Variants in FGF14 observed in about 807,000 individuals in gnomAD.
FGF14 encodes fibroblast growth factor homologous factor 4.
A neutral mutation model predicts 25.5 loss-of-function variants in FGF14; 5 were observed. The ratio of observed to expected loss-of-function variants is 0.20; its 90% CI spans 0.10 to 0.41. The LOEUF is 0.41. FGF14 is among the 10% of genes least tolerant of loss of function. The pLI is 1.00. For synonymous variants in FGF14, 138 were observed against 118.3 expected (o/e 1.17, Z -1.08); for missense variants, 222 against 320.1 (o/e 0.69, Z 2.34).
intron 1 of FGF14, among the ~76,000 whole-genome samples, chr13:102,113,644 T>A (rs969118460): frequency 6.6e-6 from 1 of 152,186 alleles, no homozygotes; most frequent in Non-Finnish European, 1.5e-5. Context: ...CAAATCTCTT[T>A]ACAGTATTTG....
chr13:102,163,186 G>A (rs529938371), intron 1 of FGF14, among the ~76,000 whole-genome samples: 4 of 152,244 alleles, frequency 2.6e-5, no homozygotes, highest in Admixed American at 2.0e-4. Context: ...TTAATAACCT[G>A]TCATAGATGA....
chr13:101,872,099 T>C (rs2045125942), intron 2 of FGF14, among the ~76,000 whole-genome samples: 1 of 151,868 alleles, frequency 6.6e-6, no homozygotes, highest in South Asian at 2.1e-4. Flanking sequence ...GGGAAATGTA[T>C]TGAACTCAAT....
At chr13:101,837,448 T>G (rs2042980277) in intron 3 of FGF14, among the ~76,000 whole-genome samples, 1 of 152,076 alleles carries the variant, frequency 6.6e-6, no homozygotes, top group Admixed American at 6.6e-5. Context: ...AATGAGAGAA[T>G]GTGTGGAAAA....
intron 1 of FGF14, among the ~76,000 whole-genome samples, chr13:102,244,270 T>C (rs1438204769): frequency 1.3e-5 from 2 of 152,010 alleles, no homozygotes; most frequent in Non-Finnish European, 2.9e-5. Context: ...TCTTGAGTTC[T>C]TTTGTTGAAA....
chr13:101,861,164 A>G (rs1170532640), intron 3 of FGF14, among the ~76,000 whole-genome samples: 2 of 152,114 alleles, frequency 1.3e-5, no homozygotes, highest in African/African-American at 4.8e-5. Flanking sequence ...AACAATTACC[A>G]TCTGTCACAG....
chr13:102,309,803 C>G (rs1050223609), intron 1 of FGF14, among the ~76,000 whole-genome samples: 1 of 152,092 alleles, frequency 6.6e-6, no homozygotes, highest in African/African-American at 2.4e-5. Flanking sequence ...CTCTTTTCCC[C>G]TCCTTCTTCA....
chr13:102,323,951 T>G (rs1236119041), intron 1 of FGF14, among the ~76,000 whole-genome samples: 1 of 137,338 alleles, frequency 7.3e-6, no homozygotes, highest in African/African-American at 2.8e-5. Flanking sequence ...GATCCCAACG[T>G]GCAGTATGTG....
chr13:101,962,861 T>C (rs2036951278), intron 1 of FGF14, among the ~76,000 whole-genome samples: 2 of 152,242 alleles, frequency 1.3e-5, no homozygotes, highest in South Asian at 4.1e-4. Context: ...CCCCTAACTT[T>C]GTCCTTTGCC....
At chr13:102,177,686 C>T (rs1443881261) in intron 1 of FGF14, among the ~76,000 whole-genome samples, 3 of 151,872 alleles carry the variant, frequency 2.0e-5, no homozygotes, top group Admixed American at 6.6e-5. Context: ...TTCTCAGGAA[C>T]CTTATGGCTC....
chr13:101,988,123 C>T (rs537299494), intron 1 of FGF14, among the ~76,000 whole-genome samples: 3 of 152,012 alleles, frequency 2.0e-5, no homozygotes, highest in Non-Finnish European at 1.5e-5. Context: ...GATTTATTAG[C>T]AAAGACACAT....
chr13:102,401,913 T>C (rs1269514723), upstream of FGF14: 1 of 580,060 alleles, frequency 1.7e-6, no homozygotes, highest in Non-Finnish European at 3.1e-6. Context: ...AGAACAGTAA[T>C]GCACAAAAGA....
At chr13:102,323,630 A>C (rs984602857) in intron 1 of FGF14, among the ~76,000 whole-genome samples, 1 of 152,188 alleles carries the variant, frequency 6.6e-6, no homozygotes, top group Non-Finnish European at 1.5e-5. Context: ...CTCCTTTGTG[A>C]ATATAGCAGT....
chr13:102,295,204 A>G (rs916936149), intron 1 of FGF14, among the ~76,000 whole-genome samples: 6 of 152,082 alleles, frequency 3.9e-5, no homozygotes, highest in Non-Finnish European at 5.9e-5. Flanking sequence ...TATACTTCTT[A>G]TCGATTCTGG....
At chr13:101,834,594 G>A (rs1450251460) in intron 3 of FGF14, among the ~76,000 whole-genome samples, 1 of 151,972 alleles carries the variant, frequency 6.6e-6, no homozygotes, top group Non-Finnish European at 1.5e-5. Context: ...ATTTCAAAGG[G>A]AGACCTGGAA....
At chr13:102,041,224 T>C (rs904324529) in intron 1 of FGF14, among the ~76,000 whole-genome samples, 6 of 152,152 alleles carry the variant, frequency 3.9e-5, no homozygotes, top group Non-Finnish European at 4.4e-5. Flanking sequence ...AATATAATTA[T>C]TTAAAAAGAA....
chr13:102,263,140 TTG>T (rs2052801690), intron 1 of FGF14: 1 of 606,492 alleles, frequency 1.6e-6, no homozygotes, highest in African/African-American at 1.9e-5. Flanking sequence ...TGGGATGATT[TTG>T]CTTTTGTTTC....
chr13:101,971,908 A>C (rs569210368), intron 1 of FGF14, among the ~76,000 whole-genome samples: 1 of 152,244 alleles, frequency 6.6e-6, no homozygotes, highest in Non-Finnish European at 1.5e-5. Flanking sequence ...CGTGTATTCT[A>C]CATGGCAGGG....
intron 1 of FGF14, among the ~76,000 whole-genome samples, chr13:101,946,082 AATCTTTT>A (rs1197945927): frequency 1.1e-4 from 16 of 152,096 alleles, no homozygotes; most frequent in African/African-American, 3.9e-4. Context: ...TATCCATGCT[AATCTTTT>A]ATACCTTGGA....
intron 1 of FGF14, among the ~76,000 whole-genome samples, chr13:101,972,493 T>A (rs2037660935): frequency 6.6e-6 from 1 of 152,228 alleles, no homozygotes. Flanking sequence ...TCTGCAGATA[T>A]TCCCTGCTCC....
Sources: gnomAD v4.1 joint callset for allele counts (sites outside exome capture counted in the v4.1 genomes callset) on GRCh38, gnomAD v4.1.1 for gene constraint, MANE v1.5 for transcripts, NCBI Gene and HGNC (gene_info 2026-07-23, HGNC 2026-07-21) for gene names.